NCALD: variants seen among roughly 807,000 people sequenced by gnomAD.
NCALD encodes the protein neurocalcin delta, also known as neurocalcin-delta.
A neutral mutation model predicts 18.6 loss-of-function variants in NCALD; 10 were observed. The ratio of observed to expected loss-of-function variants is 0.54; its 90% CI spans 0.33 to 0.91. NCALD has a LOEUF of 0.91. NCALD is among the 40% of genes least tolerant of loss of function. The probability of loss-of-function intolerance (pLI) is 0.03; values close to 1 mark genes in which losing one functional copy is unlikely to be tolerated. For synonymous variants in NCALD, 88 were observed against 87.4 expected (o/e 1.01, Z -0.04); for missense variants, 184 against 247.6 (o/e 0.74, Z 1.72).
chr8:101,751,032 G>A (rs1209092426), intron 1 of NCALD, among the ~76,000 whole-genome samples: 2 of 152,182 alleles, frequency 1.3e-5, no homozygotes, highest in East Asian at 3.8e-4. Context: ...AATGACCAGT[G>A]TCATCACCTT....
intron 4 of NCALD, among the ~76,000 whole-genome samples, chr8:101,864,782 G>A (rs1032087740): frequency 2.0e-5 from 3 of 152,022 alleles, no homozygotes; most frequent in African/African-American, 7.2e-5. Context: ...TTTTAGTAGA[G>A]ACGGGGTTTC....
At chr8:101,989,246 A>G (rs1196170373) in intron 2 of NCALD, among the ~76,000 whole-genome samples, 2 of 152,208 alleles carry the variant, frequency 1.3e-5, no homozygotes, top group Non-Finnish European at 2.9e-5. Context: ...GTCAGTGAGC[A>G]GAGCACACAG....
rs576152140 is a variant in NCALD at position 102,122,066 on chromosome 8, A to G, written c.-210+2171T>C. Among the ~76,000 whole-genome samples, 136 of 152,366 alleles carry G rather than the reference A, an allele frequency of 8.9e-4. 1 individual carries two copies. The highest frequency in any genetic ancestry group is 3.4e-3 in the Middle Eastern group (1 of 294). ...AGATAATGTACATAGAAAGATACAT[A>G]GATAATGGTGCAGAATGATGCGAGG... On this transcript the variant is annotated intron_variant, in intron 1 of 6. Transcript: ENST00000311028.
At chr8:101,926,199 C>T (rs367942804) in intron 2 of NCALD, among the ~76,000 whole-genome samples, 1 of 152,200 alleles carries the variant, frequency 6.6e-6, no homozygotes, top group Non-Finnish European at 1.5e-5. Flanking sequence ...AGCGGCAGGA[C>T]CTTGGAAAGA....
intron 1 of NCALD, among the ~76,000 whole-genome samples, chr8:102,085,809 G>T (rs551777941): frequency 6.7e-6 from 1 of 150,198 alleles, no homozygotes; most frequent in South Asian, 2.1e-4. Flanking sequence ...CTGGAATTTT[G>T]TGGCAAAAAT....
intron 1 of NCALD, among the ~76,000 whole-genome samples, chr8:102,022,943 T>G (rs1822326407): frequency 1.3e-5 from 2 of 152,134 alleles, no homozygotes; most frequent in South Asian, 4.2e-4. Context: ...TTCTTTCCCT[T>G]GACTGGGCCA....
In NCALD at chr8:101,810,749, C is replaced by T. The variant is rs375725554; in HGVS notation, c.-20+76392G>A. ...CCTAAAAAAGCACACACCACATACT[C>T]CAAGAGCTGCTAATGCCTATTTCTT... is the stretch of plus-strand genomic sequence containing the variant. On this transcript the variant is annotated intron_variant, in intron 4 of 6. Transcript: ENST00000311028. 1.8e-4 allele frequency among the ~76,000 whole-genome samples: 28 copies of T among 152,124 alleles called. No homozygotes were observed. The South Asian group carries it at 5.8e-3, about 32-fold the overall frequency.
chr8:101,958,537 TAAG>T (rs1040430002), intron 2 of NCALD, among the ~76,000 whole-genome samples: 1 of 152,114 alleles, frequency 6.6e-6, no homozygotes, highest in African/African-American at 2.4e-5. Context: ...TACGAAATAA[TAAG>T]AACAATATCT....
chr8:101,905,831 G>C, intron 3 of NCALD, among the ~76,000 whole-genome samples: 1 of 152,066 alleles, frequency 6.6e-6, no homozygotes, highest in East Asian at 1.9e-4. Context: ...ATGATTCCAG[G>C]CCTCCCTATC....
At chr8:101,818,039 C>G (rs1418268915) in intron 4 of NCALD, among the ~76,000 whole-genome samples, 1 of 152,090 alleles carries the variant, frequency 6.6e-6, no homozygotes, top group East Asian at 1.9e-4. Context: ...TCCAGCTGCT[C>G]GAGAGATGAG....
At chr8:101,894,861 G>A (rs558761566) in intron 3 of NCALD, among the ~76,000 whole-genome samples, 1 of 150,152 alleles carries the variant, frequency 6.7e-6, no homozygotes, top group African/African-American at 2.5e-5. Context: ...TGAAATTGTG[G>A]CAATAATCAA....
chr8:102,007,738 T>C (rs1821761427), intron 2 of NCALD, among the ~76,000 whole-genome samples: 1 of 152,228 alleles, frequency 6.6e-6, no homozygotes, highest in African/African-American at 2.4e-5. Context: ...AGAGTCCTTC[T>C]ACTTCCTCCT....
chr8:101,766,617 C>T (rs1811358849), intron 1 of NCALD, among the ~76,000 whole-genome samples: 2 of 152,136 alleles, frequency 1.3e-5, no homozygotes, highest in African/African-American at 4.8e-5. Context: ...GAGATGGGGT[C>T]TGTCTGTCAC....
chr8:102,011,416 G>A (rs975947109), intron 2 of NCALD, among the ~76,000 whole-genome samples: 7 of 152,160 alleles, frequency 4.6e-5, no homozygotes, highest in African/African-American at 1.7e-4. Context: ...AAGTCACGAG[G>A]TCTCACTTGA....
intron 1 of NCALD, among the ~76,000 whole-genome samples, chr8:102,112,117 T>A (rs1825659087): frequency 6.6e-6 from 1 of 152,250 alleles, no homozygotes; most frequent in Non-Finnish European, 1.5e-5. Flanking sequence ...ATATTTGTGA[T>A]ACCTTGTATG....
At chr8:102,049,240 T>C (rs1431360581) in intron 1 of NCALD, among the ~76,000 whole-genome samples, 1 of 152,210 alleles carries the variant, frequency 6.6e-6, no homozygotes, top group African/African-American at 2.4e-5. Context: ...AATCCGAGGA[T>C]GCAGAGTGAA....
intron 2 of NCALD, among the ~76,000 whole-genome samples, chr8:102,003,893 C>T (rs1179363996): frequency 1.3e-5 from 2 of 152,100 alleles, no homozygotes; most frequent in African/African-American, 4.8e-5. Flanking sequence ...ATAATAAGAG[C>T]TATTTATGAC....
At chr8:102,081,545 T>TAAAAAAAAAAAAAAA (rs770307937) in intron 1 of NCALD, among the ~76,000 whole-genome samples, 1 of 68,708 alleles carries the variant, frequency 1.5e-5, no homozygotes, top group Non-Finnish European at 2.5e-5. Flanking sequence ...CAAATAATGG[T>TAAAAAAAAAAAAAAA]AAAAAAAAAA....
chr8:101,944,086 G>A (rs948018975), intron 2 of NCALD, among the ~76,000 whole-genome samples: 2 of 152,202 alleles, frequency 1.3e-5, no homozygotes, highest in Admixed American at 1.3e-4. Flanking sequence ...TCCTTCATAT[G>A]GGAGGATGGT....
Sources: allele counts gnomAD v4.1 joint callset (sites outside exome capture counted in the v4.1 genomes callset), GRCh38; gene constraint gnomAD v4.1.1; transcripts MANE v1.5; gene names NCBI Gene and HGNC (gene_info 2026-07-23, HGNC 2026-07-21).